The following PMM1 variants were observed in gnomAD, a reference collection of about 807,000 sequenced individuals.
PMM1 encodes the protein brain glucose-1,6-bisphosphatase.
A neutral mutation model predicts 34.0 loss-of-function variants in PMM1; 25 were observed. That is an observed-to-expected ratio of 0.73 (90% CI 0.54 to 1.03). The LOEUF is 1.03. Among genes scored for constraint, PMM1 ranks in the 50% least tolerant of loss-of-function variants. PMM1 has a pLI of 0.00. For synonymous variants in PMM1, 134 were observed against 143.9 expected (o/e 0.93, Z 0.49); for missense variants, 321 against 350.1 (o/e 0.92, Z 0.66).
chr22:41,584,400 G>C (rs377471692), intron 3 of PMM1, 28 bp from the exon 4 acceptor site: 1 of 1,607,168 alleles, frequency 6.2e-7, no homozygotes. Context: ...GGCTCTGAGC[G>C]TGGCCTGGGC....
chr22:41,588,993 T>C, intron 1 of PMM1: 6 of 1,172,450 alleles, frequency 5.1e-6, no homozygotes, highest in Non-Finnish European at 6.9e-6. Context: ...GGAGAAAAAC[T>C]GAGCAGAGGT....
intron 1 of PMM1, 157 bp from the exon 2 acceptor site, chr22:41,586,350 C>A: frequency 7.1e-7 from 1 of 1,399,112 alleles, no homozygotes; most frequent in Non-Finnish European, 9.3e-7. Context: ...AGGTTGGACA[C>A]TGTGGCTCAG....
chr22:41,583,290 G>A (rs1037420468), intron 5 of PMM1, among the ~76,000 whole-genome samples: 10 of 152,268 alleles, frequency 6.6e-5, no homozygotes, highest in East Asian at 1.9e-4. Flanking sequence ...GACCAGCCTG[G>A]CCAACGTGGT....
rs2067186093 is a variant in PMM1 at position 41,577,406 on chromosome 22, C to CG, written c.700dup (p.Arg234ProfsTer28). 6.2e-7 allele frequency: 1 copy of CG among 1,612,426 alleles called. No homozygotes were observed. The highest frequency in any genetic ancestry group is 1.1e-5 in the South Asian group (1 of 91,092). On this transcript the variant is annotated frameshift_variant, in exon 8 of 8. Coordinates refer to ENST00000216259, the MANE Select transcript of PMM1 (RefSeq NM_002676.3). LOFTEE classifies it high-confidence loss of function. ...AGACACCACGCTGTGGCCAACAGTC[C>CG]GGGGGTCGGCAAAGATCTCAAAGTC...
Position 41,586,202 on chromosome 22 carries a change from G to A in PMM1, c.88-9C>T, listed in dbSNP as rs768957825. 1.7e-5 allele frequency: 28 copies of A among 1,606,078 alleles called. No individual in the cohort carries two copies. Among genetic ancestry groups the A allele is most frequent in the Non-Finnish European group, 2.1e-5 (25 of 1,179,342 alleles). The stretch of plus-strand genomic sequence containing the variant: ...ACCTCAGGGTCAATTTTCTATGGGG[G>A]GAGAGGGGAAGCATAGCATTCTGGC... On this transcript the variant is annotated splice_polypyrimidine_tract_variant and intron_variant, in intron 1 of 7. Transcript: ENST00000216259.
intron 5 of PMM1, among the ~76,000 whole-genome samples, chr22:41,583,491 G>T (rs2067269754): frequency 6.6e-6 from 1 of 152,036 alleles, no homozygotes; most frequent in Non-Finnish European, 1.5e-5. Flanking sequence ...TCTCCAAAAA[G>T]AAAAAGAAAG....
At chr22:41,587,616 G>A (rs1277548724) in intron 1 of PMM1, among the ~76,000 whole-genome samples, 2 of 152,024 alleles carry the variant, frequency 1.3e-5, no homozygotes, top group Admixed American at 6.6e-5. Flanking sequence ...GTGAGACCCC[G>A]GTCTCTAACA....
In PMM1 at chr22:41,577,374, C is replaced by G; in HGVS notation, c.733G>C (p.Asp245His). 1.2e-6 allele frequency: 2 copies of G among 1,613,012 alleles called. No individual in the cohort carries two copies. The highest frequency in any genetic ancestry group is 1.7e-6 in the Non-Finnish European group (2 of 1,180,038). ...TVGHSVVSPQ[D>H]TVQRCREIFF... ...ATCTCCCGGCATCGCTGCACCGTGTCCTGAGGAGACACCACGCTGTGGCCA... is the reference window on the plus strand; with the variant it reads ...ATCTCCCGGCATCGCTGCACCGTGTGCTGAGGAGACACCACGCTGTGGCCA... Residue 245 changes from aspartate (D) to histidine (H), a missense_variant, in exon 8 of 8, where the codon GAC becomes CAC. Transcript: ENST00000216259.
At position 41,589,749 on chromosome 22, in the gene PMM1, G is replaced by T. The variant is rs553943471; in HGVS notation, c.57C>A (p.Asp19Glu). The change falls in exon 1 of 8, where the codon GAC becomes GAA. Residue 19 changes from aspartate to glutamate, a missense_variant. Physicochemically the swap from Asp to Glu is conservative, Grantham distance 45. Coordinates refer to ENST00000216259, the MANE Select transcript of PMM1 (RefSeq NM_002676.3). ...GAGCCGGCGTGAGGGTCCCGTCCAC[G>T]TCAAACAGGCAGAGGACGCGCTCCT... ...RRKERVLCLFDVDGTLTPARQ... is the reference protein window; with the variant it reads ...RRKERVLCLFEVDGTLTPARQ... The T allele has an allele frequency of 1.2e-6, 2 of 1,612,086 alleles. No homozygotes were observed. The highest frequency in any genetic ancestry group is 1.3e-5 in the African/African-American group (1 of 75,060).
intron 1 of PMM1, chr22:41,589,483 A>G: frequency 3.4e-6 from 2 of 589,498 alleles, no homozygotes; most frequent in Non-Finnish European, 6.1e-6. Context: ...CCAGTACTGG[A>G]TCCAACCCCA....
chr22:41,588,978 C>T, intron 1 of PMM1: 2 of 1,140,614 alleles, frequency 1.8e-6, no homozygotes, highest in Non-Finnish European at 2.4e-6. Flanking sequence ...CAATGAGACC[C>T]AATGGGAGAA....
chr22:41,589,514 G>A, intron 1 of PMM1: 2 of 601,552 alleles, frequency 3.3e-6, no homozygotes, highest in Non-Finnish European at 5.9e-6. Context: ...GCAGAACACA[G>A]GCAAGGACGC....
chr22:41,577,296 G>C lies in PMM1; in HGVS notation c.*22C>G. 1 of 1,612,428 alleles carries C rather than the reference G, an allele frequency of 6.2e-7. No homozygotes were observed. The highest frequency in any genetic ancestry group is 8.5e-7 in the Non-Finnish European group (1 of 1,179,966). On this transcript the variant is annotated 3_prime_UTR_variant, in exon 8 of 8. Transcript: ENST00000216259. ...CTAGGCCAAACTCTTCAGAAGTCAC[G>C]ACACACAGATGTGGGCCCCGGTCAC... is the stretch of plus-strand genomic sequence containing the variant.
chr22:41,577,627 C>A, intron 7 of PMM1, 181 bp downstream of exon 7: 1 of 796,058 alleles, frequency 1.3e-6, no homozygotes. Flanking sequence ...GGGGCCCCAG[C>A]TTTCCAATCT....
Position 41,578,898 on chromosome 22 carries a change from G to A in PMM1, c.475-17C>T. The A allele has an allele frequency of 6.2e-7, 1 of 1,611,148 alleles. No individual in the cohort carries two copies. Among genetic ancestry groups the A allele is most frequent in the South Asian group, 1.1e-5 (1 of 90,936 alleles). On this transcript the variant is annotated splice_polypyrimidine_tract_variant and intron_variant, in intron 5 of 7. Coordinates refer to ENST00000216259, the MANE Select transcript of PMM1 (RefSeq NM_002676.3). ...CTTCTCTTTCTGCAGAGGGGAGGGA[G>A]CGGATGGCAGCTCAGAGGACCTGCT...
chr22:41,583,401 G>C (rs1355474022), intron 5 of PMM1, among the ~76,000 whole-genome samples: 1 of 152,182 alleles, frequency 6.6e-6, no homozygotes, highest in African/African-American at 2.4e-5. Context: ...AGAATCGCTT[G>C]AACACGGGAG....
At chr22:41,580,989 C>T (rs183342420) in intron 5 of PMM1, among the ~76,000 whole-genome samples, 4 of 151,788 alleles carry the variant, frequency 2.6e-5, no homozygotes, top group African/African-American at 4.8e-5. Flanking sequence ...GTGGCAGGCG[C>T]TTGTAGTCCC....
At chr22:41,588,738 CCA>C (rs1466633108) in intron 1 of PMM1, 36 of 985,330 alleles carry the variant, frequency 3.7e-5, no homozygotes, top group Non-Finnish European at 4.3e-5. Context: ...GGCAACTTCA[CCA>C]CAGAGGATGG....
Position 41,577,016 on chromosome 22 carries a change from A to G in PMM1, c.*302T>C. The G allele has an allele frequency of 2.2e-6, 1 of 449,818 alleles. No individual in the cohort carries two copies. Among genetic ancestry groups the G allele is most frequent in the Non-Finnish European group, 4.1e-6 (1 of 241,342 alleles). 27.9% of individuals were successfully genotyped at this position (449,818 alleles called of 1,614,324 possible). ...AGGCTAGATCTCGTACCGATACTTG[A>G]GCACGCCTCCTCCTGGTGCAGAAAG... On this transcript the variant is annotated 3_prime_UTR_variant, in exon 8 of 8. Transcript: ENST00000216259.
Sources: allele counts gnomAD v4.1 joint callset (sites outside exome capture counted in the v4.1 genomes callset), GRCh38; gene constraint gnomAD v4.1.1; transcripts MANE v1.5; gene names NCBI Gene and HGNC (gene_info 2026-07-23, HGNC 2026-07-21).